Variants in MCTP2 observed in about 807,000 individuals in gnomAD.
MCTP2 encodes multiple C2 and transmembrane domain containing 2.
MCTP2 carries 132 observed loss-of-function variants against 111.6 expected under a neutral mutation model. That is an observed-to-expected ratio of 1.18 (90% CI 1.03 to 1.37). The LOEUF (loss-of-function observed/expected upper bound fraction) is 1.37, where lower values mean the gene tolerates loss of function less well. Ranked by LOEUF, MCTP2 falls within the 40% of genes most tolerant of loss-of-function variation. The probability of loss-of-function intolerance (pLI) is 0.00; values close to 1 mark genes in which losing one functional copy is unlikely to be tolerated. For synonymous variants in MCTP2, 395 were observed against 387.7 expected (o/e 1.02, Z -0.22); for missense variants, 1,183 against 1,067.9 (o/e 1.11, Z -1.50).
At chr15:94,432,752 C>T (rs564862022) in intron 17 of MCTP2, among the ~76,000 whole-genome samples, 1 of 152,272 alleles carries the variant, frequency 6.6e-6, no homozygotes, top group African/African-American at 2.4e-5. Context: ...TTCAGAGACT[C>T]AGCTTCTTGT....
At chr15:94,363,099 C>G (rs1030303396) in intron 10 of MCTP2, among the ~76,000 whole-genome samples, 4 of 152,122 alleles carry the variant, frequency 2.6e-5, no homozygotes, top group Admixed American at 2.6e-4. Context: ...TTAGTTAGTT[C>G]AAGAAAAAAC....
At chr15:94,433,753 C>T (rs987636544) in intron 17 of MCTP2, among the ~76,000 whole-genome samples, 3 of 152,144 alleles carry the variant, frequency 2.0e-5, no homozygotes, top group South Asian at 2.1e-4. Flanking sequence ...ACATTTTTGT[C>T]AACACTTTAT....
chr15:94,406,994 G>A (rs868322930), intron 17 of MCTP2, among the ~76,000 whole-genome samples: 1 of 151,506 alleles, frequency 6.6e-6, no homozygotes, highest in Middle Eastern at 3.4e-3. Flanking sequence ...TGTCTAGTGG[G>A]GATCTCTATT....
intron 17 of MCTP2, among the ~76,000 whole-genome samples, chr15:94,405,909 G>A (rs115714314): frequency 0.015 from 2,338 of 152,096 alleles, 63 homozygotes; most frequent in African/African-American, 0.053. Context: ...CCTTCAGAAA[G>A]TAACATTCTT....
chr15:94,455,065 GC>G (rs890780647), intron 19 of MCTP2, among the ~76,000 whole-genome samples: 1 of 152,172 alleles, frequency 6.6e-6, no homozygotes, highest in African/African-American at 2.4e-5. Context: ...CAAGTGATCT[GC>G]CCGCCATGGC....
intron 1 of MCTP2, among the ~76,000 whole-genome samples, chr15:94,249,863 A>G (rs1358702723): frequency 6.6e-6 from 1 of 152,128 alleles, no homozygotes; most frequent in Non-Finnish European, 1.5e-5. Context: ...CCTAGTTGTC[A>G]TCCAAGACTG....
At chr15:94,437,328 A>G (rs1263560379) in intron 17 of MCTP2, among the ~76,000 whole-genome samples, 3 of 152,020 alleles carry the variant, frequency 2.0e-5, no homozygotes, top group Admixed American at 6.5e-5. Flanking sequence ...GAATGTGAAT[A>G]TATAAAAAAG....
At chr15:94,474,855 C>CTAAGT (rs991661681) in intron 21 of MCTP2, among the ~76,000 whole-genome samples, 1 of 113,814 alleles carries the variant, frequency 8.8e-6, no homozygotes, top group African/African-American at 3.0e-5. Context: ...AATTTTTATC[C>CTAAGT]TAAGTTTTTT....
At chr15:94,245,623 T>G (rs1406805838) in intron 1 of MCTP2, among the ~76,000 whole-genome samples, 1 of 145,382 alleles carries the variant, frequency 6.9e-6, no homozygotes, top group Admixed American at 6.9e-5. Context: ...TGTACATGTA[T>G]ATATACATAT....
rs1555481342 is a variant in MCTP2 at position 94,464,244 on chromosome 15, A to ATATATAT, written c.2360+5999_2360+6005dup. 1.5e-4 allele frequency among the ~76,000 whole-genome samples: 9 copies of ATATATAT among 60,416 alleles called. No individual in the cohort carries two copies. The East Asian group carries it at 2.9e-3, about 20-fold the overall frequency. The allele number at this position is 60,416 out of a possible 152,430, so 39.6% of individuals were successfully genotyped here. A position where few individuals can be genotyped will look rare whatever the true frequency, so the allele number is the denominator to read the frequency against. ...TATTATATGTTTATATATATAATATATATATATATATATTATATATATATA... is the reference window on the plus strand; with the variant it reads ...TATTATATGTTTATATATATAATATATATATATTATATATATATATTATATATATATA... On this transcript the variant is annotated intron_variant, in intron 20 of 22. Coordinates refer to ENST00000357742, the MANE Select transcript of MCTP2 (RefSeq NM_001385001.1).
At chr15:94,404,093 C>T (rs2081764023) in intron 17 of MCTP2, among the ~76,000 whole-genome samples, 1 of 152,104 alleles carries the variant, frequency 6.6e-6, no homozygotes, top group African/African-American at 2.4e-5. Flanking sequence ...GTTGACTGGC[C>T]TTGGTGATTC....
intron 1 of MCTP2, among the ~76,000 whole-genome samples, chr15:94,245,786 C>G (rs1208419900): frequency 6.6e-6 from 1 of 150,566 alleles, no homozygotes; most frequent in African/African-American, 2.4e-5. Flanking sequence ...GAAACCTAGT[C>G]AATGGCTTCA....
chr15:94,266,412 G>A (rs749739917), intron 1 of MCTP2, among the ~76,000 whole-genome samples: 1 of 152,140 alleles, frequency 6.6e-6, no homozygotes, highest in Non-Finnish European at 1.5e-5. Flanking sequence ...AGTCTGTTTT[G>A]TTCACTGTTG....
At chr15:94,254,104 G>T (rs1567281396) in intron 1 of MCTP2, among the ~76,000 whole-genome samples, 1 of 152,098 alleles carries the variant, frequency 6.6e-6, no homozygotes, top group African/African-American at 2.4e-5. Context: ...TCATAGCATT[G>T]GAATATTCTT....
chr15:94,234,629 C>G (rs2070413978), intron 1 of MCTP2, among the ~76,000 whole-genome samples: 1 of 152,212 alleles, frequency 6.6e-6, no homozygotes, highest in Non-Finnish European at 1.5e-5. Context: ...TCTGGACACT[C>G]ATGTCCAACG....
At chr15:94,436,175 C>T (rs2083467073) in intron 17 of MCTP2, among the ~76,000 whole-genome samples, 1 of 152,122 alleles carries the variant, frequency 6.6e-6, no homozygotes, top group African/African-American at 2.4e-5. Flanking sequence ...AGTGCATTCC[C>T]GTTTCCTCCA....
intron 4 of MCTP2, among the ~76,000 whole-genome samples, chr15:94,321,402 G>A (rs116355037): frequency 0.012 from 1,867 of 152,160 alleles, 41 homozygotes; most frequent in African/African-American, 0.042. Context: ...AAAATATTAC[G>A]TGTACCCCAT....
rs111566263 is a variant in MCTP2, at chr15:94,253,988, G to A, written c.-66+22324G>A. Reference sequence around the variant, plus strand: ...AATGACTCTAATTTCAAATGGTATAGATCAAGGTTGCACATATGTGTACAT... The same window carrying A: ...AATGACTCTAATTTCAAATGGTATAAATCAAGGTTGCACATATGTGTACAT... On this transcript the variant is annotated intron_variant, in intron 1 of 22. Transcript: ENST00000357742. 3.4e-3 allele frequency among the ~76,000 whole-genome samples: 515 copies of A among 152,264 alleles called. 1 individual carries two copies. The highest frequency in any genetic ancestry group is 0.012 in the African/African-American group (490 of 41,540).
rs773010491 is a variant in MCTP2, at chr15:94,356,158, C to T, written c.1027C>T (p.Arg343Trp). Residue 343 changes from arginine to tryptophan, a missense_variant, in exon 9 of 23, where the codon CGG becomes TGG. Coordinates refer to ENST00000357742, the MANE Select transcript of MCTP2 (RefSeq NM_001385001.1). ...TTAGTCCTCTTTGATACGCAACCTA[C>T]GGCTCTCTGAGTCCTTGAAAAAGAA... ...ASKSSLIRNL[R>W]LSESLKKNQL... 1.4e-5 allele frequency: 23 copies of T among 1,608,424 alleles called. No individual in the cohort carries two copies. Among genetic ancestry groups the T allele is most frequent in the African/African-American group, 4.0e-5 (3 of 74,586 alleles).
Sources: allele counts gnomAD v4.1 joint callset (sites outside exome capture counted in the v4.1 genomes callset), GRCh38; gene constraint gnomAD v4.1.1; transcripts MANE v1.5; gene names NCBI Gene and HGNC (gene_info 2026-07-23, HGNC 2026-07-21).